The following HSP90B1 variants were observed in gnomAD, a reference collection of about 807,000 sequenced individuals.
HSP90B1 encodes endoplasmin.
A neutral mutation model predicts 100.4 loss-of-function variants in HSP90B1; 27 were observed. The observed-to-expected ratio is 0.27, with a 90% CI of 0.20 to 0.37. The LOEUF is 0.37. Among genes scored for constraint, HSP90B1 ranks in the 10% least tolerant of loss-of-function variants. The probability of loss-of-function intolerance (pLI) is 1.00; values close to 1 mark genes in which losing one functional copy is unlikely to be tolerated. For missense variants in HSP90B1, 678 were observed against 960.5 expected (o/e 0.71, Z 3.89); for synonymous variants, 304 against 330.8 (o/e 0.92, Z 0.88).
At chr12:103,934,739 T>C (rs1049258226) in intron 5 of HSP90B1, among the ~76,000 whole-genome samples, 2 of 152,262 alleles carry the variant, frequency 1.3e-5, no homozygotes, top group Non-Finnish European at 2.9e-5. Context: ...CTCACTCTTG[T>C]TGCCCAGGCT....
chr12:103,938,983 T>G (rs554845560), intron 7 of HSP90B1, among the ~76,000 whole-genome samples: 1 of 152,310 alleles, frequency 6.6e-6, no homozygotes, highest in Admixed American at 6.5e-5. Context: ...AAGAAAAACT[T>G]AAGTGGCTTT....
At chr12:103,933,269 C>A (rs1413842834) in intron 4 of HSP90B1, among the ~76,000 whole-genome samples, 1 of 152,264 alleles carries the variant, frequency 6.6e-6, no homozygotes, top group African/African-American at 2.4e-5. Flanking sequence ...AGTTTGCCAG[C>A]CCCTGGCTTA....
chr12:103,943,723 A>ATTTCT lies in HSP90B1; in HGVS notation c.1891-12_1891-8dup. The ATTTCT allele has an allele frequency of 1.2e-6, 2 of 1,609,506 alleles. No individual in the cohort carries two copies. The highest frequency in any genetic ancestry group is 1.7e-6 in the Non-Finnish European group (2 of 1,178,078). On this transcript the variant is annotated splice_polypyrimidine_tract_variant and intron_variant, in intron 13 of 17. Transcript: ENST00000299767. This position sits in a 1 kb window ranked among gnomAD's most constrained non-coding sequence, Gnocchi z 5.3. ...TGTTGATATTAATTTATATGACTTGATTTCTTTCCCTAAGATTGAAAAGGC... is the reference window on the plus strand; with the variant it reads ...TGTTGATATTAATTTATATGACTTGATTTCTTTTCTTTCCCTAAGATTGAAAAGGC...
At chr12:103,939,165 T>A (rs1238367809) in intron 7 of HSP90B1, among the ~76,000 whole-genome samples, 1 of 151,534 alleles carries the variant, frequency 6.6e-6, no homozygotes, top group African/African-American at 2.4e-5. Context: ...GGTAGCACGA[T>A]CATAGCTCCC....
chr12:103,938,033 T>C (rs914919997), intron 6 of HSP90B1, among the ~76,000 whole-genome samples: 1 of 151,984 alleles, frequency 6.6e-6, no homozygotes, highest in African/African-American at 2.4e-5. Flanking sequence ...GCTGGGTGTG[T>C]GGTAGCACAC....
intron 1 of HSP90B1, among the ~76,000 whole-genome samples, chr12:103,931,263 T>C (rs1315287739): frequency 6.6e-6 from 1 of 152,212 alleles, no homozygotes; most frequent in Non-Finnish European, 1.5e-5. Context: ...CTTAACGTTA[T>C]TTATAAATGA....
intron 14 of HSP90B1, among the ~76,000 whole-genome samples, chr12:103,945,952 C>A (rs1422548948): frequency 2.0e-5 from 3 of 152,066 alleles, no homozygotes; most frequent in Admixed American, 2.0e-4. Flanking sequence ...TGCAGTCATC[C>A]CTTTTTGTCC....
At chr12:103,938,190 GA>G in intron 6 of HSP90B1, 149 bp from the exon 7 acceptor site, 1 of 540,476 alleles carries the variant, frequency 1.9e-6, no homozygotes, top group Non-Finnish European at 3.1e-6. Context: ...AAAAAAGAAT[GA>G]AGGCAAAATG....
intron 3 of HSP90B1, 86 bp downstream of exon 3, chr12:103,932,504 TGTA>T (rs1869798463): frequency 8.4e-7 from 1 of 1,197,220 alleles, no homozygotes. Flanking sequence ...GCAAAAGTAA[TGTA>T]GTATCCAAGT....
intron 6 of HSP90B1, 49 bp from the exon 7 acceptor site, chr12:103,938,291 C>A: frequency 1.3e-6 from 2 of 1,483,980 alleles, no homozygotes; most frequent in South Asian, 2.7e-5. Context: ...TAGACAAAAT[C>A]AGAATTGTTA....
rs1238171943 is a variant in HSP90B1, at chr12:103,934,299, C to G, written c.743+12C>G. The G allele has an allele frequency of 6.3e-7, 1 of 1,584,028 alleles. No individual in the cohort carries two copies. The highest frequency in any genetic ancestry group is 8.7e-7 in the Non-Finnish European group (1 of 1,154,038). The stretch of plus-strand genomic sequence containing the variant: ...GGAACGACAATTACGTGAGTATGAC[C>G]AATTCCTTATAAGAATTAATAGTCA... On this transcript the variant is annotated intron_variant, in intron 5 of 17. Transcript: ENST00000299767.
chr12:103,934,060 C>T lies in HSP90B1; in HGVS notation c.516C>T (p.Ser172=), dbSNP rs774118680. The T allele has an allele frequency of 9.3e-6, 15 of 1,614,034 alleles. No individual in the cohort carries two copies. Among genetic ancestry groups the T allele is most frequent in the Middle Eastern group, 1.6e-4 (1 of 6,082 alleles). The change falls in exon 5 of 18, where the codon AGC becomes AGT. Residue 172 remains serine (S), a synonymous_variant. Transcript: ENST00000299767. ...GTACCATAGCCAAATCTGGGACAAG[C>T]GAGTTTTTAAACAAAATGACTGAAG... is the stretch of plus-strand genomic sequence containing the variant. ...NLGTIAKSGT[S]EFLNKMTEAQ...
chr12:103,944,580 A>C (rs1306826788), intron 14 of HSP90B1, among the ~76,000 whole-genome samples: 1 of 148,694 alleles, frequency 6.7e-6, no homozygotes, highest in Admixed American at 6.7e-5. Context: ...CCCCCGAGAC[A>C]GAGTCTTGCT....
chr12:103,932,287 G>A lies in HSP90B1; in HGVS notation c.163G>A (p.Ala55Thr), dbSNP rs1869789996. ...DDEVVQREEE[A>T]IQLDGLNASQ... ...AACTGATTTCCTTAGAGAGGAAGAA[G>A]CTATTCAGTTGGATGGATTAAATGC... is the stretch of plus-strand genomic sequence containing the variant. The change falls in exon 3 of 18, where the codon GCT becomes ACT. Residue 55 changes from alanine to threonine, a missense_variant. Coordinates refer to ENST00000299767, the MANE Select transcript of HSP90B1 (RefSeq NM_003299.3). 3.1e-6 allele frequency: 5 copies of A among 1,609,424 alleles called. No homozygotes were observed. The highest frequency in any genetic ancestry group is 4.2e-6 in the Non-Finnish European group (5 of 1,178,420).
chr12:103,939,416 A>G (rs1870013664), intron 7 of HSP90B1, 93 bp from the exon 8 acceptor site: 4 of 603,960 alleles, frequency 6.6e-6, no homozygotes, highest in East Asian at 6.1e-5. Flanking sequence ...GGGTCTTTAC[A>G]TAGTCTTTTG....
chr12:103,945,087 T>A (rs1870188805), intron 14 of HSP90B1, among the ~76,000 whole-genome samples: 2 of 152,216 alleles, frequency 1.3e-5, no homozygotes, highest in Admixed American at 1.3e-4. Flanking sequence ...ACTTACTATG[T>A]CCATGCACTG....
Position 103,930,723 on chromosome 12 carries a change from C to A in HSP90B1, c.49+159C>A, listed in dbSNP as rs1427050455. ...AGAGGGCAAGGGAATTACGTTTATT[C>A]TCTTCTTCCTCTGGAAATAAAAAAA... On this transcript the variant is annotated intron_variant, in intron 1 of 17. Transcript: ENST00000299767. The surrounding 1 kb of genome is among the most constrained non-coding windows in gnomAD (Gnocchi z 4.4). 6.6e-6 allele frequency among the ~76,000 whole-genome samples: 1 copy of A among 150,392 alleles called. No homozygotes were observed. Among genetic ancestry groups the A allele is most frequent in the Admixed American group, 6.7e-5 (1 of 15,030 alleles).
intron 8 of HSP90B1, among the ~76,000 whole-genome samples, chr12:103,941,171 C>T (rs772054694): frequency 6.6e-5 from 10 of 152,154 alleles, no homozygotes; most frequent in Non-Finnish European, 1.2e-4. Context: ...TATTGACAAT[C>T]ATCATCAAAA....
chr12:103,939,680 C>A, intron 8 of HSP90B1, 55 bp downstream of exon 8: 1 of 792,326 alleles, frequency 1.3e-6, no homozygotes, highest in Non-Finnish European at 2.0e-6. Flanking sequence ...CAAAATATCA[C>A]CCTCTTAGTT....
Sources: gnomAD v4.1 joint callset for allele counts (sites outside exome capture counted in the v4.1 genomes callset) on GRCh38, gnomAD v4.1.1 for gene constraint, Gnocchi (gnomAD v3.1) non-coding constraint, MANE v1.5 for transcripts, NCBI Gene and HGNC (gene_info 2026-07-23, HGNC 2026-07-21) for gene names.